Variants in SEMA5A observed in about 807,000 individuals in gnomAD.
The protein encoded by SEMA5A is semaphorin-5A.
SEMA5A carries 55 observed loss-of-function variants against 135.5 expected under a neutral mutation model. The observed-to-expected ratio is 0.41, with a 90% confidence interval of 0.33 to 0.51. The LOEUF (loss-of-function observed/expected upper bound fraction) is 0.51, where lower values mean the gene tolerates loss of function less well. SEMA5A is among the 20% of genes least tolerant of loss of function. SEMA5A has a pLI of 0.37. For synonymous variants in SEMA5A, 580 were observed against 546.5 expected, an observed-to-expected ratio of 1.06 and a Z score of -0.85; for missense variants, 1,290 against 1,419.9, an observed-to-expected ratio of 0.91 and a Z score of 1.47.
At chr5:9,227,009 ATG>A in intron 6 of SEMA5A, 42 bp from the exon 7 acceptor site, 1 of 980,722 alleles carries the variant, frequency 1.0e-6, no homozygotes, top group Non-Finnish European at 1.4e-6. Flanking sequence ...ATATATATAT[ATG>A]TATAATGATA....
intron 20 of SEMA5A, among the ~76,000 whole-genome samples, chr5:9,050,783 A>C (rs1382046285): frequency 6.6e-6 from 1 of 152,332 alleles, no homozygotes; most frequent in East Asian, 1.9e-4. Context: ...CACTCTGCCC[A>C]ACACACAGAG....
At chr5:9,126,020 T>C (rs527962670) in intron 13 of SEMA5A, among the ~76,000 whole-genome samples, 191 of 152,310 alleles carry the variant, frequency 1.3e-3, no homozygotes, top group Non-Finnish European at 1.9e-3. Flanking sequence ...CTTGCTAGTA[T>C]TGTTTTGACT....
At chr5:9,187,490 C>T (rs913828996) in intron 11 of SEMA5A, among the ~76,000 whole-genome samples, 1 of 152,068 alleles carries the variant, frequency 6.6e-6, no homozygotes, top group African/African-American at 2.4e-5. Context: ...TTGTGTTGGG[C>T]CCCGGGTATC....
At chr5:9,426,297 C>A (rs935935817) in intron 2 of SEMA5A, among the ~76,000 whole-genome samples, 1 of 151,726 alleles carries the variant, frequency 6.6e-6, no homozygotes. Flanking sequence ...CGGTGGCAGG[C>A]GCCTGTAGTC....
At chr5:9,327,322 T>A (rs1752924769) in intron 4 of SEMA5A, among the ~76,000 whole-genome samples, 1 of 152,132 alleles carries the variant, frequency 6.6e-6, no homozygotes, top group South Asian at 2.1e-4. Flanking sequence ...CTATGCAAAT[T>A]TCAAGATAAC....
chr5:9,535,014 C>A (rs768594802), intron 1 of SEMA5A, among the ~76,000 whole-genome samples: 1 of 152,172 alleles, frequency 6.6e-6, no homozygotes, highest in African/African-American at 2.4e-5. Context: ...TTGTAGAGAG[C>A]GACCTGACTG....
intron 18 of SEMA5A, among the ~76,000 whole-genome samples, chr5:9,061,017 C>T (rs1737152081): frequency 6.6e-6 from 1 of 151,742 alleles, no homozygotes; most frequent in Non-Finnish European, 1.5e-5. Context: ...TTCTGTCCCT[C>T]GAGACCCAGC....
intron 2 of SEMA5A, among the ~76,000 whole-genome samples, chr5:9,410,522 A>T (rs1757066483): frequency 6.6e-6 from 1 of 152,208 alleles, no homozygotes; most frequent in African/African-American, 2.4e-5. Flanking sequence ...ATAAGTAAAT[A>T]CAACAATCTT....
At chr5:9,108,609 A>G (rs1204673667) in intron 15 of SEMA5A, among the ~76,000 whole-genome samples, 1 of 152,230 alleles carries the variant, frequency 6.6e-6, no homozygotes, top group Non-Finnish European at 1.5e-5. Context: ...AGTATACAGA[A>G]AATATCTAGG....
intron 5 of SEMA5A, among the ~76,000 whole-genome samples, chr5:9,253,868 T>C (rs181118753): frequency 7.2e-5 from 11 of 152,236 alleles, no homozygotes; most frequent in African/African-American, 2.6e-4. Flanking sequence ...GGAAGGAGCT[T>C]CTATATTGCC....
chr5:9,239,027 G>A (rs1748062519), intron 5 of SEMA5A, among the ~76,000 whole-genome samples: 1 of 152,122 alleles, frequency 6.6e-6, no homozygotes, highest in Non-Finnish European at 1.5e-5. Flanking sequence ...AAACTTGGGA[G>A]AATAACAAAG....
At chr5:9,072,115 A>G (rs1380008457) in intron 16 of SEMA5A, among the ~76,000 whole-genome samples, 1 of 152,222 alleles carries the variant, frequency 6.6e-6, no homozygotes, top group Admixed American at 6.5e-5. Context: ...AAACTGGATT[A>G]ACCCTTTTAT....
At chr5:9,088,786 G>T (rs1284586287) in intron 16 of SEMA5A, among the ~76,000 whole-genome samples, 1 of 151,944 alleles carries the variant, frequency 6.6e-6, no homozygotes, top group Admixed American at 6.6e-5. Flanking sequence ...AGTATTAATT[G>T]TATTTCTGCA....
chr5:9,238,212 T>G (rs1049148804), intron 5 of SEMA5A, among the ~76,000 whole-genome samples: 1 of 152,146 alleles, frequency 6.6e-6, no homozygotes, highest in Non-Finnish European at 1.5e-5. Flanking sequence ...ATCACTTCAG[T>G]GAAACTATGG....
chr5:9,472,324 T>C (rs1759505829), intron 1 of SEMA5A, among the ~76,000 whole-genome samples: 1 of 152,224 alleles, frequency 6.6e-6, no homozygotes, highest in Non-Finnish European at 1.5e-5. Flanking sequence ...TCTAGTGCCC[T>C]GGAAGATGCT....
chr5:9,257,640 GAAT>G (rs1167742073), intron 5 of SEMA5A, among the ~76,000 whole-genome samples: 1 of 152,048 alleles, frequency 6.6e-6, no homozygotes, highest in Admixed American at 6.5e-5. Flanking sequence ...TGAGGTCAGT[GAAT>G]AATGTTTAAA....
intron 1 of SEMA5A, among the ~76,000 whole-genome samples, chr5:9,509,250 C>G (rs568701467): frequency 1.0e-5 from 1 of 99,430 alleles, no homozygotes; most frequent in Admixed American, 1.2e-4. Context: ...TAGTAGGCAT[C>G]CAACATAAAA....
At chr5:9,194,532 G>T (rs1274680858) in intron 10 of SEMA5A, among the ~76,000 whole-genome samples, 1 of 152,186 alleles carries the variant, frequency 6.6e-6, no homozygotes, top group Non-Finnish European at 1.5e-5. Flanking sequence ...AGTTCAAATT[G>T]AATTCCCACT....
At chr5:9,414,311 G>A (rs1018570504) in intron 2 of SEMA5A, among the ~76,000 whole-genome samples, 4 of 152,104 alleles carry the variant, frequency 2.6e-5, no homozygotes, top group African/African-American at 9.7e-5. Context: ...TCAACTATAA[G>A]GAAAAATTAC....
Sources: allele counts gnomAD v4.1 joint callset (sites outside exome capture counted in the v4.1 genomes callset), GRCh38; gene constraint gnomAD v4.1.1; transcripts MANE v1.5; gene names NCBI Gene and HGNC (gene_info 2026-07-23, HGNC 2026-07-21).